The following ARHGEF5 variants were observed in gnomAD, a reference collection of about 807,000 sequenced individuals.
ARHGEF5 encodes the protein Rho guanine nucleotide exchange factor (GEF) 5.
ARHGEF5 carries 11 observed loss-of-function variants against 104.0 expected under a neutral mutation model. The ratio of observed to expected loss-of-function variants is 0.11; its 90% confidence interval spans 0.07 to 0.18. ARHGEF5 has a LOEUF of 0.18. Among genes scored for constraint, ARHGEF5 ranks in the 10% least tolerant of loss-of-function variants. The probability of loss-of-function intolerance (pLI) is 1.00; values close to 1 mark genes in which losing one functional copy is unlikely to be tolerated. For missense variants in ARHGEF5, 165 were observed against 1,335.4 expected, an observed-to-expected ratio of 0.12 and a Z score of 13.66; for synonymous variants, 60 against 512.2, an observed-to-expected ratio of 0.12 and a Z score of 11.92.
Position 144,380,237 on chromosome 7 carries a change from G to A in ARHGEF5, c.*181G>A. ...CCTCCTTTCGTGCTTTGTGCTTGGTGGGGGGGATTTCGAGGGACTTTGCAC... is the reference window on the plus strand; with the variant it reads ...CCTCCTTTCGTGCTTTGTGCTTGGTAGGGGGGATTTCGAGGGACTTTGCAC... On this transcript the variant is annotated 3_prime_UTR_variant, in exon 15 of 15. Coordinates refer to ENST00000056217, the MANE Select transcript of ARHGEF5 (RefSeq NM_005435.4). 2.8e-6 allele frequency: 2 copies of A among 710,500 alleles called. No individual in the cohort carries two copies. Among genetic ancestry groups the A allele is most frequent in the Non-Finnish European group, 2.2e-6 (1 of 449,468 alleles). 44.0% of individuals were successfully genotyped at this position (710,500 alleles called of 1,614,324 possible). A position where few individuals can be genotyped will look rare whatever the true frequency, so the allele number is the denominator to read the frequency against.
At chr7:144,359,862 G>T (rs1437503666) in intron 1 of ARHGEF5, among the ~76,000 whole-genome samples, 1 of 144,398 alleles carries the variant, frequency 6.9e-6, no homozygotes, top group Non-Finnish European at 1.5e-5. Context: ...TCACTTAGGT[G>T]CTGTATGGAG....
intron 13 of ARHGEF5, 71 bp from the exon 14 acceptor site, chr7:144,378,691 C>T: frequency 7.5e-7 from 1 of 1,332,586 alleles, no homozygotes; most frequent in South Asian, 1.3e-5. Flanking sequence ...ACGCCACCCC[C>T]CTCCAAGTCC....
rs2053680640 is a variant in ARHGEF5, at chr7:144,365,186, AC to A, written c.2522del (p.Pro841HisfsTer5). ...PGSSRIYRPL[P>X]PLPIIDPPTE... Reference sequence around the variant, plus strand: ...GTAGCTCAAGGATCTACAGGCCTCTACCCCCACTACCCATCATAGACCCTCC... The same window carrying A: ...GTAGCTCAAGGATCTACAGGCCTCTACCCCACTACCCATCATAGACCCTCC... On this transcript the variant is annotated frameshift_variant, in exon 2 of 15. Coordinates refer to ENST00000056217, the MANE Select transcript of ARHGEF5 (RefSeq NM_005435.4). LOFTEE classifies it high-confidence loss of function. The A allele has an allele frequency of 6.4e-7, 1 of 1,560,150 alleles. No individual in the cohort carries two copies. The highest frequency in any genetic ancestry group is 1.2e-5 in the South Asian group (1 of 80,582).
Position 144,363,703 on chromosome 7 carries a change from G to A in ARHGEF5, c.1034G>A (p.Ser345Asn), listed in dbSNP as rs368576717. ...AGGGCGGACTCTCAGGACGAAAAGA[G>A]TCAAACCTTTTTGGGAAAATCAGAG... The part of the protein sequence containing the change: ...ENRADSQDEK[S>N]QTFLGKSEEV... The change falls in exon 2 of 15, where the codon AGT (serine) becomes AAT (asparagine). Residue 345 changes from serine to asparagine, a missense_variant. Physicochemically the swap from Ser to Asn is conservative, Grantham distance 46. Transcript: ENST00000056217. 1.8e-5 allele frequency: 27 copies of A among 1,503,660 alleles called. 3 individuals carry two copies. Among genetic ancestry groups the A allele is most frequent in the Non-Finnish European group, 2.5e-5 (27 of 1,090,438 alleles). 93.1% of individuals were successfully genotyped at this position (1,503,660 alleles called of 1,614,324 possible). A position where few individuals can be genotyped will look rare whatever the true frequency, so the allele number is the denominator to read the frequency against.
chr7:144,378,949 A>G (rs2128857811), intron 14 of ARHGEF5, 83 bp downstream of exon 14: 2 of 1,334,202 alleles, frequency 1.5e-6, no homozygotes, highest in South Asian at 1.2e-5. Flanking sequence ...TGCAGCTGCC[A>G]TGACAAAGTA....
intron 14 of ARHGEF5, 38 bp downstream of exon 14, chr7:144,378,904 G>A (rs373369976): frequency 3.8e-5 from 60 of 1,572,418 alleles, no homozygotes; most frequent in Non-Finnish European, 4.9e-5. Flanking sequence ...GCCAGGCACT[G>A]CAGGCAGGGC....
chr7:144,357,754 T>C (rs1391901488), intron 1 of ARHGEF5, among the ~76,000 whole-genome samples: 2 of 151,820 alleles, frequency 1.3e-5, no homozygotes, highest in African/African-American at 4.8e-5. Context: ...GATAGTGAGC[T>C]CTGTCACACA....
rs759071343 is a variant in ARHGEF5 at position 144,373,257 on chromosome 7, G to A, written c.4113G>A (p.Leu1371=). 12 of 1,452,424 alleles carry A rather than the reference G, an allele frequency of 8.3e-6. 3 individuals are homozygous for A. The highest frequency in any genetic ancestry group is 1.1e-5 in the Non-Finnish European group (12 of 1,066,474). The allele number at this position is 1,452,424 out of a possible 1,614,324, so 90.0% of individuals were successfully genotyped here. The change falls in exon 10 of 15, where the codon CTG becomes CTA. Residue 1371 remains leucine (L), a synonymous_variant. Coordinates refer to ENST00000056217, the MANE Select transcript of ARHGEF5 (RefSeq NM_005435.4). The part of the protein sequence containing the change: ...SMRRTEELIY[L]SQKIEFECKI... ...GACGGACAGAGGAACTAATCTACCT[G>A]AGCCAGAAGATTGAGTTTGAGTGCA...
intron 1 of ARHGEF5, among the ~76,000 whole-genome samples, chr7:144,359,795 C>T (rs1244520338): frequency 7.3e-6 from 1 of 137,588 alleles, no homozygotes; most frequent in Non-Finnish European, 1.6e-5. Flanking sequence ...TAGATTTCAT[C>T]TCAAGAGCAT....
rs766561455 is a variant in ARHGEF5, at chr7:144,379,876, T to G, written c.4637-23T>G. 7 of 1,613,560 alleles carry G rather than the reference T, an allele frequency of 4.3e-6. No individual in the cohort carries two copies. The African/African-American group carries it at 6.7e-5, about 15-fold the overall frequency. On this transcript the variant is annotated intron_variant, in intron 14 of 14. Coordinates refer to ENST00000056217, the MANE Select transcript of ARHGEF5 (RefSeq NM_005435.4). ...TCGTGAGCCTTTCCCAGGTAATTCT[T>G]CCCACTCACCCTGTGCCCACAGGCT...
intron 1 of ARHGEF5, among the ~76,000 whole-genome samples, chr7:144,357,735 T>A (rs562066560): frequency 6.6e-6 from 1 of 151,978 alleles, no homozygotes; most frequent in Non-Finnish European, 1.5e-5. Flanking sequence ...TGGGGGGGGC[T>A]CTAGGGAAGA....
At chr7:144,359,932 G>A (rs1382417691) in intron 1 of ARHGEF5, among the ~76,000 whole-genome samples, 8 of 143,120 alleles carry the variant, frequency 5.6e-5, no homozygotes, top group Non-Finnish European at 1.1e-4. Flanking sequence ...GCCGGGTGCA[G>A]TGGCCCGGGC....
intron 13 of ARHGEF5, among the ~76,000 whole-genome samples, chr7:144,378,291 A>G (rs1290855888): frequency 1.4e-4 from 22 of 152,206 alleles, no homozygotes; most frequent in Admixed American, 1.4e-3. Flanking sequence ...CCACTAGTTA[A>G]GTCTTTCTTG....
At chr7:144,379,462 G>T (rs1042205918) in intron 14 of ARHGEF5, among the ~76,000 whole-genome samples, 1 of 152,028 alleles carries the variant, frequency 6.6e-6, no homozygotes, top group South Asian at 2.1e-4. Flanking sequence ...CACCCACCTC[G>T]GCCTCCCAAA....
chr7:144,377,950 A>G (rs574075033), intron 13 of ARHGEF5, among the ~76,000 whole-genome samples: 1 of 152,294 alleles, frequency 6.6e-6, no homozygotes, highest in African/African-American at 2.4e-5. Flanking sequence ...GACCTTGTGA[A>G]TGGCAGATGG....
intron 13 of ARHGEF5, 111 bp from the exon 14 acceptor site, chr7:144,378,651 C>G: frequency 2.4e-6 from 2 of 836,488 alleles, no homozygotes; most frequent in Non-Finnish European, 3.8e-6. Flanking sequence ...CTTTCAACAG[C>G]CCAAATCTGT....
intron 6 of ARHGEF5, 69 bp downstream of exon 6, chr7:144,371,390 AT>A (rs1258828380): frequency 8.1e-6 from 10 of 1,228,196 alleles, no homozygotes; most frequent in East Asian, 2.4e-5. Context: ...ATGTTCCGTT[AT>A]TTTTTTCCCC....
rs1442044087 is a variant in ARHGEF5, at chr7:144,378,792, A to G, written c.4562A>G (p.Tyr1521Cys). Reference sequence around the variant, plus strand: ...CCCCAGGTACAGTGCCTTCGAGCCTACAAGCCCCGAGAGAATGATGAATTG... The same window carrying G: ...CCCCAGGTACAGTGCCTTCGAGCCTGCAAGCCCCGAGAGAATGATGAATTG... ...NSPQVQCLRA[Y>C]KPRENDELAL... The change falls in exon 14 of 15, where the codon TAC becomes TGC. Residue 1521 changes from tyrosine to cysteine, a missense_variant. Transcript: ENST00000056217. 2.5e-6 allele frequency: 4 copies of G among 1,613,836 alleles called. No homozygotes were observed. Among genetic ancestry groups the G allele is most frequent in the African/African-American group, 1.3e-5 (1 of 74,888 alleles).
At chr7:144,376,927 G>C (rs1223243446) in intron 12 of ARHGEF5, among the ~76,000 whole-genome samples, 193 bp from the exon 13 acceptor site, 1 of 128,846 alleles carries the variant, frequency 7.8e-6, no homozygotes, top group Admixed American at 7.5e-5. Flanking sequence ...AAGAGGAAAA[G>C]TAAAGTGTGA....
Sources: gnomAD v4.1 joint callset for allele counts (sites outside exome capture counted in the v4.1 genomes callset) on GRCh38, gnomAD v4.1.1 for gene constraint, MANE v1.5 for transcripts, NCBI Gene and HGNC (gene_info 2026-07-23, HGNC 2026-07-21) for gene names.